The following KRT16 variants were observed in gnomAD, a reference collection of about 807,000 sequenced individuals.
The protein encoded by KRT16 is keratin, type I cytoskeletal 16.
KRT16 carries 42 observed loss-of-function variants against 44.8 expected under a neutral mutation model. The observed-to-expected ratio is 0.94, with a 90% CI of 0.73 to 1.21. The LOEUF is 1.21. Among genes scored for constraint, KRT16 ranks in the 50% most tolerant of loss-of-function variants. The probability of loss-of-function intolerance (pLI) is 0.00; values close to 1 mark genes in which losing one functional copy is unlikely to be tolerated. For missense variants in KRT16, 561 were observed against 626.9 expected (o/e 0.89, Z 1.12); for synonymous variants, 226 against 260.4 (o/e 0.87, Z 1.27).
chr17:41,612,238 C>T lies in KRT16; in HGVS notation c.451G>A (p.Asp151Asn), dbSNP rs1908225564. 1 of 1,613,448 alleles carries T rather than the reference C, an allele frequency of 6.2e-7. No individual in the cohort carries two copies. The highest frequency in any genetic ancestry group is 8.5e-7 in the Non-Finnish European group (1 of 1,180,036). ...ANADLEVKIR[D>N]WYQRQRPSEI... ...CTGGGCCGCTGCCTCTGGTACCAGT[C>T]ACGGATCTTCACTTCCAGGTCGGCG... The change falls in exon 1 of 8, where the codon GAC becomes AAC. Residue 151 changes from aspartate (D) to asparagine (N), a missense_variant. Asp to Asn is a conservative substitution (Grantham distance 23). Transcript: ENST00000301653.
Position 41,610,895 on chromosome 17 carries a change from G to A in KRT16, c.1018C>T (p.Leu340Phe), listed in dbSNP as rs370949280. The A allele has an allele frequency of 7.4e-6, 12 of 1,614,114 alleles. No homozygotes were observed. Among genetic ancestry groups the A allele is most frequent in the Admixed American group, 1.7e-5 (1 of 60,024 alleles). ...RSEVTELRRVLQGLEIELQSQ... is the reference protein window; with the variant it reads ...RSEVTELRRVFQGLEIELQSQ... ...TGCAGCTCAATCTCCAGGCCCTGGA[G>A]CACCCTCCGGAGCTCCGTCACCTCA... Residue 340 changes from leucine to phenylalanine, a missense_variant, in exon 5 of 8, where the codon CTC (leucine) becomes TTC (phenylalanine). By Grantham distance (22) the Leu-to-Phe change is conservative (BLOSUM62 0). Transcript: ENST00000301653.
rs549128698 is a variant in KRT16 at position 41,610,289 on chromosome 17, C to A, written c.1280+42G>T. The A allele has an allele frequency of 1.1e-5, 17 of 1,613,594 alleles. No individual in the cohort carries two copies. In the East Asian group the frequency reaches 1.8e-4, roughly 17 times the overall value. On this transcript the variant is annotated intron_variant, in intron 6 of 7. Coordinates refer to ENST00000301653, the MANE Select transcript of KRT16 (RefSeq NM_005557.4). ...AGTTGTGCTGAGAGCAGCAGGGGGGCTAAAGGGTCTGGGAGGCAGAACTGA... is the reference window on the plus strand; with the variant it reads ...AGTTGTGCTGAGAGCAGCAGGGGGGATAAAGGGTCTGGGAGGCAGAACTGA...
chr17:41,611,879 T>A, intron 1 of KRT16, 158 bp from the exon 2 acceptor site: 1 of 809,362 alleles, frequency 1.2e-6, no homozygotes, highest in Non-Finnish European at 2.1e-6. Context: ...TACGTAGGGA[T>A]GCACTCCATC....
At chr17:41,611,262 A>G in intron 3 of KRT16, 32 bp from the exon 4 acceptor site, 1 of 1,613,946 alleles carries the variant, frequency 6.2e-7, no homozygotes, top group Non-Finnish European at 8.5e-7. Context: ...CGGTCAGTTC[A>G]GCAGACTTCT....
Position 41,610,553 on chromosome 17 carries a change from T to C in KRT16, c.1060-2A>G, listed in dbSNP as rs1908155097. ...CAGGCTGTTCTCCAGGGATGCTTTC[T>C]GCAAGTGAGAGAGAGAAAAAGAGTC... On this transcript the variant is annotated splice_acceptor_variant, in intron 5 of 7. Transcript: ENST00000301653. LOFTEE classifies it high-confidence loss of function. The C allele has an allele frequency of 6.8e-6, 11 of 1,611,916 alleles. No individual in the cohort carries two copies. Among genetic ancestry groups the C allele is most frequent in the Middle Eastern group, 2.2e-4 (1 of 4,464 alleles).
Position 41,610,929 on chromosome 17 carries a change from G to C in KRT16, c.984C>G (p.Ser328Arg). 6.2e-7 allele frequency: 1 copy of C among 1,614,162 alleles called. No individual in the cohort carries two copies. Among genetic ancestry groups the C allele is most frequent in the Non-Finnish European group, 8.5e-7 (1 of 1,180,018 alleles). The change falls in exon 5 of 8, where the codon AGC (serine) becomes AGG (arginine). Residue 328 changes from serine (S) to arginine (R), a missense_variant. By Grantham distance (110) the Ser-to-Arg change is moderately radical (BLOSUM62 -1). Coordinates refer to ENST00000301653, the MANE Select transcript of KRT16 (RefSeq NM_005557.4). ...EVASNSELVQ[S>R]SRSEVTELRR... ...GGAGCTCCGTCACCTCACTGCGGCT[G>C]CTCTGTACCAGTTCGCTGTTGGAGG...
rs762278898 is a variant in KRT16 at position 41,611,122 on chromosome 17, C to T, written c.880G>A (p.Glu294Lys). The T allele has an allele frequency of 6.8e-6, 11 of 1,613,914 alleles. No individual in the cohort carries two copies. In the South Asian group the frequency reaches 8.8e-5, roughly 13 times the overall value. ...RILNEMRDQY[E>K]QMAEKNRRDA... ...CTGCGGTTTTTCTCTGCCATCTGCT[C>T]GTACTGGTCACGCATCTCATTCAGG... The change falls in exon 4 of 8, where the codon GAG becomes AAG. Residue 294 changes from glutamate (E) to lysine (K), a missense_variant. By Grantham distance (56) the Glu-to-Lys change is moderately conservative. Coordinates refer to ENST00000301653, the MANE Select transcript of KRT16 (RefSeq NM_005557.4).
In KRT16 at chr17:41,610,427, T is replaced by A. The variant is rs766279027; in HGVS notation, c.1184A>T (p.Gln395Leu). Residue 395 changes from glutamine (Q) to leucine (L), a missense_variant, in exon 6 of 8, where the codon CAG becomes CTG. Gln to Leu is a moderately radical substitution (Grantham distance 113). Coordinates refer to ENST00000301653, the MANE Select transcript of KRT16 (RefSeq NM_005557.4). ...CAAGATCTGGTACTCCTGGCTCTGC[T>A]GCTCCATCTCACAGCGTAGCTGGGC... is the stretch of plus-strand genomic sequence containing the variant. Reference protein sequence around the residue: ...QLAQLRCEMEQQSQEYQILLD... With the variant: ...QLAQLRCEMELQSQEYQILLD... 2.5e-6 allele frequency: 4 copies of A among 1,612,164 alleles called. No homozygotes were observed. The East Asian group carries it at 6.7e-5, about 27-fold the overall frequency.
In KRT16 at chr17:41,612,455, A is replaced by G. The variant is rs1908238025; in HGVS notation, c.234T>C (p.Phe78=). The change falls in exon 1 of 8, where the codon TTT becomes TTC. Residue 78 remains phenylalanine, a synonymous_variant. Transcript: ENST00000301653. ...CATATCCTCCCCCGAAGCCACTACC[A>G]AAGCTGCTGCTGCTGCTGAAGCCAC... ...YGGGFSSSSS[F]GSGFGGGYGG... The G allele has an allele frequency of 1.9e-6, 3 of 1,612,980 alleles. No homozygotes were observed. Among genetic ancestry groups the G allele is most frequent in the South Asian group, 2.2e-5 (2 of 91,052 alleles).
At chr17:41,612,063 T>C in intron 1 of KRT16, 95 bp downstream of exon 1, 1 of 1,480,388 alleles carries the variant, frequency 6.8e-7, no homozygotes, top group South Asian at 1.1e-5. Flanking sequence ...GTGCCCAGTC[T>C]CCCTGTTTGT....
In KRT16 at chr17:41,612,476, G is replaced by T. The variant is rs1420285179; in HGVS notation, c.213C>A (p.Gly71=). 1 of 1,608,446 alleles carries T rather than the reference G, an allele frequency of 6.2e-7. No homozygotes were observed. Residue 71 remains glycine (G), a synonymous_variant, in exon 1 of 8, where the codon GGC becomes GGA. Coordinates refer to ENST00000301653, the MANE Select transcript of KRT16 (RefSeq NM_005557.4). ...TACCAAAGCTGCTGCTGCTGCTGAA[G>T]CCACCGCCATAGCCGCCCCCCAGCC... The part of the protein sequence containing the change: ...ACGLGGGYGG[G]FSSSSSFGSG...
In KRT16 at chr17:41,610,924, C is replaced by G. The variant is rs140407898; in HGVS notation, c.989G>C (p.Arg330Pro). ...ASNSELVQSSRSEVTELRRVL... is the reference protein window; with the variant it reads ...ASNSELVQSSPSEVTELRRVL... Reference sequence around the variant, plus strand: ...CCTCCGGAGCTCCGTCACCTCACTGCGGCTGCTCTGTACCAGTTCGCTGTT... The same window carrying G: ...CCTCCGGAGCTCCGTCACCTCACTGGGGCTGCTCTGTACCAGTTCGCTGTT... The change falls in exon 5 of 8, where the codon CGC becomes CCC. Residue 330 changes from arginine (R) to proline (P), a missense_variant. Transcript: ENST00000301653. 4 of 1,614,210 alleles carry G rather than the reference C, an allele frequency of 2.5e-6. No individual in the cohort carries two copies. In the South Asian group the frequency reaches 4.4e-5, roughly 18 times the overall value.
chr17:41,610,019 G>A lies in KRT16; in HGVS notation c.1338C>T (p.Ser446=). The change falls in exon 8 of 8, where the codon TCC becomes TCT. Residue 446 remains serine (S), a synonymous_variant. Coordinates refer to ENST00000301653, the MANE Select transcript of KRT16 (RefSeq NM_005557.4). ...TCTGACGGCTCGAAGAGGACGAGGA[G>A]GAGGTGAAGACTGTGGGAGAGAGAA... ...QSYSSREVFT[S]SSSSSSRQTR... 1 of 1,610,566 alleles carries A rather than the reference G, an allele frequency of 6.2e-7. No homozygotes were observed. Among genetic ancestry groups the A allele is most frequent in the Non-Finnish European group, 8.5e-7 (1 of 1,178,576 alleles).
At chr17:41,610,619 T>A (rs1178595111) in intron 5 of KRT16, 68 bp from the exon 6 acceptor site, 1 of 1,583,730 alleles carries the variant, frequency 6.3e-7, no homozygotes, top group African/African-American at 1.3e-5. Flanking sequence ...TCTCTGGGCA[T>A]GTTTTTTGAG....
At position 41,612,284 on chromosome 17, in the gene KRT16, C is replaced by A; in HGVS notation, c.405G>T (p.Val135=). 1 of 1,614,092 alleles carries A rather than the reference C, an allele frequency of 6.2e-7. No homozygotes were observed. The highest frequency in any genetic ancestry group is 8.5e-7 in the Non-Finnish European group (1 of 1,180,044). ...NDRLASYLDK[V]RALEEANADL... ...CGGCGTTGGCCTCCTCCAGAGCACGCACCTTGTCCAGGTAGGAGGCCAGGC... is the reference window on the plus strand; with the variant it reads ...CGGCGTTGGCCTCCTCCAGAGCACGAACCTTGTCCAGGTAGGAGGCCAGGC... The change falls in exon 1 of 8, where the codon GTG becomes GTT. Residue 135 remains valine (V), a synonymous_variant. Coordinates refer to ENST00000301653, the MANE Select transcript of KRT16 (RefSeq NM_005557.4).
chr17:41,610,756 C>G lies in KRT16; in HGVS notation c.1059+98G>C, dbSNP rs1312618385. The G allele has an allele frequency of 1.9e-6, 3 of 1,587,716 alleles. No individual in the cohort carries two copies. In the South Asian group the frequency reaches 3.3e-5, roughly 18 times the overall value. ...GGTCCCATGAGTCCCCTGGTCCCAT[C>G]CTGAGAAAAGAAAGGTGGAACTAGA... On this transcript the variant is annotated intron_variant, in intron 5 of 7. Transcript: ENST00000301653.
At position 41,612,236 on chromosome 17, in the gene KRT16, G is replaced by C. The variant is rs1908225365; in HGVS notation, c.453C>G (p.Asp151Glu). The change falls in exon 1 of 8, where the codon GAC becomes GAG. Residue 151 changes from aspartate to glutamate, a missense_variant. Asp to Glu is a conservative substitution (Grantham distance 45). Coordinates refer to ENST00000301653, the MANE Select transcript of KRT16 (RefSeq NM_005557.4). ...CACTGGGCCGCTGCCTCTGGTACCA[G>C]TCACGGATCTTCACTTCCAGGTCGG... ...ANADLEVKIR[D>E]WYQRQRPSEI... The C allele has an allele frequency of 6.2e-7, 1 of 1,613,408 alleles. No homozygotes were observed. Among genetic ancestry groups the C allele is most frequent in the African/African-American group, 1.3e-5 (1 of 74,896 alleles).
rs1237826398 is a variant in KRT16, at chr17:41,612,713, G to C, written c.-25C>G. 6.4e-7 allele frequency: 1 copy of C among 1,567,498 alleles called. No homozygotes were observed. Among genetic ancestry groups the C allele is most frequent in the African/African-American group, 1.4e-5 (1 of 73,894 alleles). ...TGGTGCCAAGGAGGGAGGTGAGCGA[G>C]TGAGCAGTTGGCTGAAAGAAGGAAA... On this transcript the variant is annotated 5_prime_UTR_variant, in exon 1 of 8. Coordinates refer to ENST00000301653, the MANE Select transcript of KRT16 (RefSeq NM_005557.4).
chr17:41,611,983 C>G (rs942565827), intron 1 of KRT16, 175 bp downstream of exon 1: 35 of 884,062 alleles, frequency 4.0e-5, no homozygotes, highest in Non-Finnish European at 5.2e-5. Context: ...AGCCCCAGTC[C>G]GGGCACAGAG....
Sources: gnomAD v4.1 joint callset for allele counts on GRCh38, gnomAD v4.1.1 for gene constraint, MANE v1.5 for transcripts, NCBI Gene and HGNC (gene_info 2026-07-23, HGNC 2026-07-21) for gene names.